The following SV2C variants were observed in gnomAD, a reference collection of about 807,000 sequenced individuals.
The protein encoded by SV2C is solute carrier family 22 member B3.
SV2C carries 49 observed loss-of-function variants against 79.7 expected under a neutral mutation model. The observed-to-expected ratio is 0.61, with a 90% confidence interval of 0.49 to 0.78. SV2C has a LOEUF of 0.78. SV2C is among the 30% of genes least tolerant of loss of function. SV2C has a pLI of 0.00. For missense variants in SV2C, 833 were observed against 912.9 expected (o/e 0.91, Z 1.13); for synonymous variants, 334 against 333.2 (o/e 1.00, Z -0.03).
the SV2C span, among the ~76,000 whole-genome samples, chr5:75,932,439 CAG>C: frequency 8.2e-6 from 1 of 121,330 alleles, no homozygotes; most frequent in African/African-American, 3.9e-5. Flanking sequence ...GATACAGAAA[CAG>C]AGTGCAAAGT....
At chr5:75,911,105 A>G in the SV2C span, 1 of 1,479,978 alleles carries the variant, frequency 6.8e-7, no homozygotes, top group Non-Finnish European at 9.4e-7. Flanking sequence ...GATAATTCTG[A>G]GATCAAGGAG....
chr5:76,323,275 CAT>C (rs1410066957), intron 12 of SV2C, among the ~76,000 whole-genome samples: 1 of 152,126 alleles, frequency 6.6e-6, no homozygotes, highest in Non-Finnish European at 1.5e-5. Context: ...GGCCAACAAA[CAT>C]ATGAAGAAAA....
chr5:76,315,827 A>C (rs1437100660), intron 12 of SV2C, among the ~76,000 whole-genome samples: 1 of 152,226 alleles, frequency 6.6e-6, no homozygotes, highest in Middle Eastern at 3.4e-3. Flanking sequence ...TTTGGGTTGG[A>C]TCCCTCTCTC....
intron 4 of SV2C, among the ~76,000 whole-genome samples, chr5:76,231,395 A>G (rs68049320): frequency 0.32 from 47,957 of 152,002 alleles, 8,083 homozygotes; most frequent in Non-Finnish European, 0.37. Flanking sequence ...TCCAGGAGTT[A>G]ATGTACTGAG....
chr5:75,945,301 A>T, the SV2C span, among the ~76,000 whole-genome samples: 2 of 151,840 alleles, frequency 1.3e-5, no homozygotes, highest in Admixed American at 6.6e-5. Flanking sequence ...ACCATAAAAT[A>T]TACATTATTA....
intron 4 of SV2C, among the ~76,000 whole-genome samples, chr5:76,273,740 GTTTGTTGGAA>G (rs1400821867): frequency 6.6e-6 from 1 of 152,194 alleles, no homozygotes; most frequent in Non-Finnish European, 1.5e-5. Flanking sequence ...GACTATTGGA[GTTTGTTGGAA>G]TTTAACCCCT....
At chr5:75,979,254 G>A in the SV2C span, among the ~76,000 whole-genome samples, 1 of 152,070 alleles carries the variant, frequency 6.6e-6, no homozygotes. Context: ...AGACCTTAAA[G>A]AGGGTTAGAC....
chr5:76,084,022 A>G (rs1230593271), intron 1 of SV2C: 4 of 152,322 alleles, frequency 2.6e-5, no homozygotes, highest in African/African-American at 9.7e-5. Flanking sequence ...GAGCAGAGGT[A>G]GCCGCAGTAA....
At chr5:76,101,018 G>A (rs1747724770) in intron 1 of SV2C, among the ~76,000 whole-genome samples, 1 of 152,156 alleles carries the variant, frequency 6.6e-6, no homozygotes, top group Admixed American at 6.5e-5. Context: ...TTAGAAAATG[G>A]CTTTTGACAT....
chr5:76,026,201 A>AACACACACACACACACACACAC, the SV2C span, among the ~76,000 whole-genome samples: 4 of 140,134 alleles, frequency 2.9e-5, no homozygotes, highest in African/African-American at 5.4e-5. Flanking sequence ...CAAATTTACA[A>AACACACACACACACACACACAC]ACACACACAC....
chr5:76,310,049 C>CAAA (rs34045605), intron 12 of SV2C, among the ~76,000 whole-genome samples: 1 of 141,022 alleles, frequency 7.1e-6, no homozygotes, highest in East Asian at 2.1e-4. Flanking sequence ...CTATTTCATT[C>CAAA]AAAAAAAAAA....
chr5:76,145,208 T>C (rs1193832502), intron 2 of SV2C, among the ~76,000 whole-genome samples: 2 of 152,256 alleles, frequency 1.3e-5, no homozygotes, highest in African/African-American at 2.4e-5. Context: ...GTTTGGTGTG[T>C]ACTTTGTGAG....
the SV2C span, among the ~76,000 whole-genome samples, chr5:75,987,704 G>C: frequency 6.6e-6 from 1 of 152,090 alleles, no homozygotes; most frequent in African/African-American, 2.4e-5. Context: ...AATAAAAGTA[G>C]GTTTGTTGTT....
intron 2 of SV2C, among the ~76,000 whole-genome samples, chr5:76,176,269 T>C (rs1743525929): frequency 6.6e-6 from 1 of 152,172 alleles, no homozygotes; most frequent in African/African-American, 2.4e-5. Context: ...GTTGTGCAAA[T>C]AGAAAACCAT....
intron 2 of SV2C, among the ~76,000 whole-genome samples, chr5:76,189,134 T>C (rs1744018298): frequency 6.6e-6 from 1 of 151,878 alleles, no homozygotes; most frequent in African/African-American, 2.4e-5. Flanking sequence ...ATCTTAAGTA[T>C]AGTTAGAGGG....
intron 4 of SV2C, among the ~76,000 whole-genome samples, chr5:76,261,910 C>T (rs1746483123): frequency 6.6e-6 from 1 of 151,978 alleles, no homozygotes; most frequent in Admixed American, 6.6e-5. Flanking sequence ...TTTCCTTTTT[C>T]AGTTGTGTCT....
chr5:75,999,098 TA>T, the SV2C span, among the ~76,000 whole-genome samples: 7 of 151,952 alleles, frequency 4.6e-5, no homozygotes, highest in Non-Finnish European at 8.8e-5. Flanking sequence ...CTCCTCTTTT[TA>T]AAAGCGTCAG....
At chr5:76,217,009 G>T (rs1414997031) in intron 4 of SV2C, among the ~76,000 whole-genome samples, 1 of 152,202 alleles carries the variant, frequency 6.6e-6, no homozygotes, top group Non-Finnish European at 1.5e-5. Context: ...GCATTACAGT[G>T]TGTAGCAAAG....
chr5:75,897,155 C>G, the SV2C span, among the ~76,000 whole-genome samples: 1 of 150,150 alleles, frequency 6.7e-6, no homozygotes, highest in Non-Finnish European at 1.5e-5. Context: ...TGCCTATGTC[C>G]TGAATGGTAA....
Sources: gnomAD v4.1 joint callset for allele counts (sites outside exome capture counted in the v4.1 genomes callset) on GRCh38, gnomAD v4.1.1 for gene constraint, MANE v1.5 for transcripts, NCBI Gene and HGNC (gene_info 2026-07-23, HGNC 2026-07-21) for gene names.